PDE4B: variants seen among roughly 807,000 people sequenced by gnomAD.
PDE4B encodes phosphodiesterase 4B, also known as 3',5'-cyclic-AMP phosphodiesterase 4B.
A neutral mutation model predicts 82.2 loss-of-function variants in PDE4B; 20 were observed. That is an observed-to-expected ratio of 0.24 (90% CI 0.17 to 0.35). PDE4B has a LOEUF of 0.35. PDE4B is among the 10% of genes least tolerant of loss of function. The probability of loss-of-function intolerance (pLI) is 1.00; values close to 1 mark genes in which losing one functional copy is unlikely to be tolerated. For missense variants in PDE4B, 655 were observed against 907.2 expected (o/e 0.72, Z 3.57); for synonymous variants, 320 against 318.9 (o/e 1.00, Z -0.04).
At chr1:66,041,799 T>TACAC (rs376075112) in intron 3 of PDE4B, among the ~76,000 whole-genome samples, 14,313 of 138,986 alleles carry the variant, frequency 0.1, 1,171 homozygotes, top group East Asian at 0.35. Context: ...TGCTTTGAAA[T>TACAC]ACACACACAC....
At chr1:65,803,001 T>C (rs1460865742) in intron 1 of PDE4B, among the ~76,000 whole-genome samples, 1 of 152,194 alleles carries the variant, frequency 6.6e-6, no homozygotes, top group Admixed American at 6.5e-5. Context: ...TAAAATGTTA[T>C]GCTTTTTTGT....
At chr1:66,368,713 G>A in intron 15 of PDE4B, 74 bp from the exon 16 acceptor site, 1 of 1,199,210 alleles carries the variant, frequency 8.3e-7, no homozygotes, top group Non-Finnish European at 1.1e-6. Flanking sequence ...AAGCGTACTA[G>A]TATGAGAGGC....
At chr1:66,150,400 T>C (rs1646367420) in intron 3 of PDE4B, among the ~76,000 whole-genome samples, 1 of 152,230 alleles carries the variant, frequency 6.6e-6, no homozygotes, top group African/African-American at 2.4e-5. Flanking sequence ...CCTGCAACCT[T>C]ACTGAAGTCA....
At chr1:66,020,453 A>G (rs1396866111) in intron 3 of PDE4B, among the ~76,000 whole-genome samples, 1 of 151,600 alleles carries the variant, frequency 6.6e-6, no homozygotes, top group Non-Finnish European at 1.5e-5. Flanking sequence ...TCCTAATGCT[A>G]TCCCTCCTCC....
chr1:65,949,056 GA>G (rs1240163547), intron 3 of PDE4B, among the ~76,000 whole-genome samples: 1 of 151,960 alleles, frequency 6.6e-6, no homozygotes. Flanking sequence ...GACTCATTCT[GA>G]ACTTGCTGTG....
chr1:66,288,058 A>G (rs1230225178), intron 7 of PDE4B, among the ~76,000 whole-genome samples: 1 of 152,144 alleles, frequency 6.6e-6, no homozygotes, highest in Non-Finnish European at 1.5e-5. Flanking sequence ...TATAAAGAAA[A>G]GAGGTTTCGT....
intron 3 of PDE4B, among the ~76,000 whole-genome samples, chr1:66,015,763 TG>T: frequency 6.6e-6 from 1 of 151,798 alleles, no homozygotes; most frequent in Non-Finnish European, 1.5e-5. Flanking sequence ...GAGGAAAAGG[TG>T]GGGGGTGTTT....
At chr1:66,115,613 A>T (rs1645579396) in intron 3 of PDE4B, among the ~76,000 whole-genome samples, 1 of 152,244 alleles carries the variant, frequency 6.6e-6, no homozygotes, top group Non-Finnish European at 1.5e-5. Context: ...AGAATGCCAG[A>T]CTATGGGGGC....
At chr1:65,984,464 G>A (rs1005931729) in intron 3 of PDE4B, among the ~76,000 whole-genome samples, 8 of 152,106 alleles carry the variant, frequency 5.3e-5, no homozygotes, top group Non-Finnish European at 1.0e-4. Context: ...CAAAAAAGGT[G>A]AATTTTATTT....
intron 3 of PDE4B, among the ~76,000 whole-genome samples, chr1:66,024,433 A>AC (rs1043712705): frequency 2.0e-5 from 3 of 152,042 alleles, no homozygotes; most frequent in African/African-American, 7.2e-5. Flanking sequence ...AAAGCTTGCT[A>AC]CCCCCAAGGA....
chr1:66,008,714 C>T (rs1002024525), intron 3 of PDE4B, among the ~76,000 whole-genome samples: 1 of 152,090 alleles, frequency 6.6e-6, no homozygotes, highest in Non-Finnish European at 1.5e-5. Context: ...TTTCTCCTCA[C>T]AATTCCACTA....
intron 1 of PDE4B, among the ~76,000 whole-genome samples, chr1:65,825,705 C>CCTGTCTGTCTGTCTGTCTATCTAT (rs752252352): frequency 2.8e-5 from 3 of 107,374 alleles, no homozygotes; most frequent in African/African-American, 9.7e-5. Context: ...AACAAAATTA[C>CCTGTCTGTCTGTCTGTCTATCTAT]CTATCTATCT....
At chr1:66,052,028 G>A (rs1469277681) in intron 3 of PDE4B, among the ~76,000 whole-genome samples, 2 of 152,114 alleles carry the variant, frequency 1.3e-5, no homozygotes, top group Non-Finnish European at 2.9e-5. Context: ...CTGCATTGAA[G>A]CTCAGCTTTT....
chr1:66,339,697 T>C (rs184342482), intron 8 of PDE4B, among the ~76,000 whole-genome samples: 102 of 152,324 alleles, frequency 6.7e-4, no homozygotes, highest in Non-Finnish European at 1.3e-3. Flanking sequence ...TAGTTATGTT[T>C]AGATTGTCAA....
chr1:66,102,803 A>G (rs866704665), intron 3 of PDE4B, among the ~76,000 whole-genome samples: 2 of 152,104 alleles, frequency 1.3e-5, no homozygotes. Context: ...CAGGAAATTA[A>G]TAACAGGCAG....
At chr1:66,304,375 G>A (rs1020102854) in intron 7 of PDE4B, among the ~76,000 whole-genome samples, 2 of 151,952 alleles carry the variant, frequency 1.3e-5, no homozygotes, top group Admixed American at 6.6e-5. Context: ...TTCTGACCCT[G>A]GTAAAAATAC....
At chr1:66,164,186 G>A (rs1468790544) in intron 3 of PDE4B, among the ~76,000 whole-genome samples, 1 of 152,050 alleles carries the variant, frequency 6.6e-6, no homozygotes, top group African/African-American at 2.4e-5. Flanking sequence ...TCGTATGTGT[G>A]TTCTTTTTTC....
In PDE4B at chr1:65,919,622, G is replaced by A. The variant is rs549810604; in HGVS notation, c.281+787G>A. Among the ~76,000 whole-genome samples the A allele has an allele frequency of 4.6e-5, 7 of 152,268 alleles. No individual in the cohort carries two copies. The South Asian group carries it at 1.4e-3, about 32-fold the overall frequency. ...TCTGATATGATTTTAAATTAATAAT[G>A]TGTTGCTTTTAAAATCACTTTTTGT... On this transcript the variant is annotated intron_variant, in intron 3 of 16. Coordinates refer to ENST00000341517, the MANE Select transcript of PDE4B (RefSeq NM_002600.4).
chr1:66,115,292 C>G (rs779849014), intron 3 of PDE4B, among the ~76,000 whole-genome samples: 1 of 152,212 alleles, frequency 6.6e-6, no homozygotes, highest in African/African-American at 2.4e-5. Flanking sequence ...GTTTTCACGA[C>G]AGATAAATTG....
Sources: allele counts gnomAD v4.1 joint callset (sites outside exome capture counted in the v4.1 genomes callset), GRCh38; gene constraint gnomAD v4.1.1; transcripts MANE v1.5; gene names NCBI Gene and HGNC (gene_info 2026-07-23, HGNC 2026-07-21).